Variants in PPP3CC observed in about 807,000 individuals in gnomAD.
PPP3CC encodes the protein protein phosphatase 3 catalytic subunit gamma.
A neutral mutation model predicts 60.3 loss-of-function variants in PPP3CC; 35 were observed. The ratio of observed to expected loss-of-function variants is 0.58; its 90% CI spans 0.44 to 0.77. The LOEUF (loss-of-function observed/expected upper bound fraction) is 0.77, where lower values mean the gene tolerates loss of function less well. PPP3CC is among the 30% of genes least tolerant of loss of function. PPP3CC has a pLI of 0.00. For synonymous variants in PPP3CC, 206 were observed against 224.3 expected, an observed-to-expected ratio of 0.92 and a Z score of 0.73; for missense variants, 570 against 628.9, an observed-to-expected ratio of 0.91 and a Z score of 1.00.
chr8:22,509,013 C>G (rs962854051), intron 4 of PPP3CC, among the ~76,000 whole-genome samples: 11 of 152,208 alleles, frequency 7.2e-5, no homozygotes, highest in Non-Finnish European at 1.3e-4. Context: ...ACAAAATGTT[C>G]TGAAAACCTC....
intron 8 of PPP3CC, among the ~76,000 whole-genome samples, chr8:22,525,567 T>C (rs1234950755): frequency 1.4e-5 from 2 of 146,368 alleles, no homozygotes; most frequent in Admixed American, 6.8e-5. Flanking sequence ...TCTTTCTTTC[T>C]CTCTCTCTCT....
chr8:22,504,049 G>A (rs1838838131), intron 4 of PPP3CC, among the ~76,000 whole-genome samples: 1 of 152,072 alleles, frequency 6.6e-6, no homozygotes, highest in African/African-American at 2.4e-5. Flanking sequence ...GTTTTTAAGA[G>A]GGAGGTGGGT....
chr8:22,534,699 A>C (rs553989157), intron 12 of PPP3CC, among the ~76,000 whole-genome samples: 2 of 152,254 alleles, frequency 1.3e-5, no homozygotes, highest in African/African-American at 4.8e-5. Flanking sequence ...GATGTCCATC[A>C]GTAGCAGACT....
intron 3 of PPP3CC, among the ~76,000 whole-genome samples, chr8:22,476,576 A>T (rs1837893550): frequency 6.6e-6 from 1 of 152,212 alleles, no homozygotes; most frequent in Non-Finnish European, 1.5e-5. Flanking sequence ...TGTAGAAAAA[A>T]TAAGCAAAAA....
intron 1 of PPP3CC, among the ~76,000 whole-genome samples, chr8:22,459,455 A>ATGTATGTG (rs1837303333): frequency 6.7e-6 from 1 of 150,140 alleles, no homozygotes; most frequent in African/African-American, 2.4e-5. Context: ...TCACTTTGTT[A>ATGTATGTG]TGTGTGTGTG....
intron 3 of PPP3CC, among the ~76,000 whole-genome samples, chr8:22,481,136 C>T: frequency 6.6e-6 from 1 of 151,976 alleles, no homozygotes; most frequent in East Asian, 1.9e-4. Flanking sequence ...GTGTTTGAGT[C>T]CAGCTTGGCC....
intron 6 of PPP3CC, among the ~76,000 whole-genome samples, chr8:22,514,937 C>A (rs538513870): frequency 5.3e-4 from 81 of 152,252 alleles, no homozygotes; most frequent in African/African-American, 1.6e-3. Flanking sequence ...CTCAGCCTCC[C>A]AAAGTGCTGG....
chr8:22,469,210 ATTATC>A (rs1468334300), intron 1 of PPP3CC, among the ~76,000 whole-genome samples: 7 of 152,318 alleles, frequency 4.6e-5, no homozygotes, highest in Admixed American at 2.6e-4. Flanking sequence ...ACTGAAGGTC[ATTATC>A]TTAAGTTAAA....
intron 1 of PPP3CC, among the ~76,000 whole-genome samples, chr8:22,463,772 A>G (rs947363070): frequency 6.7e-6 from 1 of 149,590 alleles, no homozygotes; most frequent in Non-Finnish European, 1.5e-5. Flanking sequence ...CAGTCTTTGT[A>G]CTCGAATGTA....
chr8:22,475,242 G>A, intron 2 of PPP3CC, 91 bp downstream of exon 2: 2 of 1,252,874 alleles, frequency 1.6e-6, no homozygotes, highest in Admixed American at 2.3e-5. Flanking sequence ...CTAAAAAGTG[G>A]TGTGGTAATT....
chr8:22,490,130 CTAATA>C (rs1319500271), intron 3 of PPP3CC, among the ~76,000 whole-genome samples: 2 of 151,918 alleles, frequency 1.3e-5, no homozygotes, highest in Non-Finnish European at 2.9e-5. Flanking sequence ...GCCAATACAT[CTAATA>C]TATTAATTTT....
chr8:22,503,644 C>T (rs1838827311), intron 4 of PPP3CC, among the ~76,000 whole-genome samples: 1 of 151,982 alleles, frequency 6.6e-6, no homozygotes. Context: ...TTTTGACAGA[C>T]TATTTTTAGA....
intron 4 of PPP3CC, among the ~76,000 whole-genome samples, chr8:22,506,659 G>A (rs539219508): frequency 6.6e-6 from 1 of 152,124 alleles, no homozygotes; most frequent in African/African-American, 2.4e-5. Context: ...AGCTATGTTG[G>A]GGCCAGGCAC....
At chr8:22,452,020 T>TTTTG (rs35509755) in intron 1 of PPP3CC, among the ~76,000 whole-genome samples, 72 of 30,762 alleles carry the variant, frequency 2.3e-3, no homozygotes, top group African/African-American at 0.02. Flanking sequence ...TGCATAATGG[T>TTTTG]TTTTTTTTTT....
Position 22,475,019 on chromosome 8 carries a change from G to A in PPP3CC, c.115G>A (p.Val39Ile). ...KEVFENGKPK[V>I]DVLKNHLVKE... ...AGTATTTGAGAATGGGAAACCTAAA[G>A]TTGATGTTTTAAAAAACCATTTGGT... The change falls in exon 2 of 14, where the codon GTT (valine) becomes ATT (isoleucine). Residue 39 changes from valine to isoleucine, a missense_variant. Coordinates refer to ENST00000240139, the MANE Select transcript of PPP3CC (RefSeq NM_005605.5). 1 of 1,612,928 alleles carries A rather than the reference G, an allele frequency of 6.2e-7. No individual in the cohort carries two copies. Among genetic ancestry groups the A allele is most frequent in the Non-Finnish European group, 8.5e-7 (1 of 1,179,244 alleles).
chr8:22,456,009 G>T (rs1051134627), intron 1 of PPP3CC, among the ~76,000 whole-genome samples: 1 of 152,190 alleles, frequency 6.6e-6, no homozygotes, highest in African/African-American at 2.4e-5. Flanking sequence ...AACTTATTTA[G>T]CAGTGCGTGT....
intron 1 of PPP3CC, among the ~76,000 whole-genome samples, chr8:22,442,617 C>T (rs1836704869): frequency 6.6e-6 from 1 of 152,100 alleles, no homozygotes; most frequent in African/African-American, 2.4e-5. Context: ...TGTATGCTAT[C>T]GTTAGAGGTT....
chr8:22,528,503 T>G lies in PPP3CC; in HGVS notation c.1070-3T>G. 1.3e-6 allele frequency: 2 copies of G among 1,528,352 alleles called. No individual in the cohort carries two copies. Among genetic ancestry groups the G allele is most frequent in the Non-Finnish European group, 1.8e-6 (2 of 1,130,648 alleles). 94.7% of individuals were successfully genotyped at this position (1,528,352 alleles called of 1,614,324 possible). Reference sequence around the variant, plus strand: ...AAATTTTGGATTATTTTGTCTTACTTAGTCACAGAGATGCTGGTAAATGTG... The same window carrying G: ...AAATTTTGGATTATTTTGTCTTACTGAGTCACAGAGATGCTGGTAAATGTG... On this transcript the variant is annotated splice_polypyrimidine_tract_variant and splice_region_variant and intron_variant, in intron 9 of 13. Transcript: ENST00000240139.
chr8:22,538,079 T>A (rs1329893183), intron 12 of PPP3CC, among the ~76,000 whole-genome samples: 1 of 152,196 alleles, frequency 6.6e-6, no homozygotes, highest in East Asian at 1.9e-4. Context: ...GTTAAGATGT[T>A]AAAAAGGAAA....
Sources: allele counts gnomAD v4.1 joint callset (sites outside exome capture counted in the v4.1 genomes callset), GRCh38; gene constraint gnomAD v4.1.1; transcripts MANE v1.5; gene names NCBI Gene and HGNC (gene_info 2026-07-23, HGNC 2026-07-21).